The following ITGA11 variants were observed in gnomAD, a reference collection of about 807,000 sequenced individuals.
ITGA11 encodes the protein integrin alpha-11.
A neutral mutation model predicts 141.9 loss-of-function variants in ITGA11; 97 were observed. The observed-to-expected ratio is 0.68, with a 90% CI of 0.58 to 0.81. The LOEUF is 0.81. Among genes scored for constraint, ITGA11 ranks in the 30% least tolerant of loss-of-function variants. ITGA11 has a pLI of 0.00. For synonymous variants in ITGA11, 658 were observed against 624.6 expected (o/e 1.05, Z -0.80); for missense variants, 1,387 against 1,559.2 (o/e 0.89, Z 1.86).
At chr15:68,323,319 G>T (rs1246316516) in intron 18 of ITGA11, among the ~76,000 whole-genome samples, 6 of 152,168 alleles carry the variant, frequency 3.9e-5, no homozygotes, top group Non-Finnish European at 7.4e-5. Flanking sequence ...AAGTCTCAAA[G>T]AAAAAACAGC....
chr15:68,364,357 C>T (rs752022361), intron 4 of ITGA11, among the ~76,000 whole-genome samples: 1 of 152,236 alleles, frequency 6.6e-6, no homozygotes, highest in Non-Finnish European at 1.5e-5. Context: ...ACTAGCTCCC[C>T]AAGGAAAGGG....
In ITGA11 at chr15:68,335,869, ATCTT is replaced by A. The variant is rs1383552196; in HGVS notation, c.1277-28_1277-25del. 1 of 1,607,946 alleles carries A rather than the reference ATCTT, an allele frequency of 6.2e-7. No individual in the cohort carries two copies. Among genetic ancestry groups the A allele is most frequent in the South Asian group, 1.1e-5 (1 of 89,822 alleles). ...CCCTGCCACAGGAGGAAACAGGCTG[ATCTT>A]TGGCACCGTGTCCTCAGCAGGCGTT... On this transcript the variant is annotated intron_variant, in intron 11 of 29. Coordinates refer to ENST00000315757, the MANE Select transcript of ITGA11 (RefSeq NM_001004439.2). This position sits in a 1 kb window ranked among gnomAD's most constrained non-coding sequence, Gnocchi z 4.9.
rs761394302 is a variant in ITGA11, at chr15:68,328,136, C to T, written c.2028G>A (p.Thr676=). The change falls in exon 16 of 30, where the codon ACG becomes ACA. Residue 676 remains threonine, a synonymous_variant. Coordinates refer to ENST00000315757, the MANE Select transcript of ITGA11 (RefSeq NM_001004439.2). The surrounding 1 kb of genome is among the most constrained non-coding windows in gnomAD (Gnocchi z 4.8). ...GGAAATGGGGTGCCAGGAAGATGGG[C>T]GTGAAGCAGAGGAAGGCGGCCAGGC... is the stretch of plus-strand genomic sequence containing the variant. The part of the protein sequence containing the change: ...ATCLAAFLCF[T]PIFLAPHFQT... The T allele has an allele frequency of 7.4e-6, 12 of 1,613,608 alleles. No homozygotes were observed. Among genetic ancestry groups the T allele is most frequent in the African/African-American group, 4.0e-5 (3 of 74,874 alleles).
chr15:68,384,771 G>A (rs998857922), intron 2 of ITGA11, among the ~76,000 whole-genome samples: 1 of 152,236 alleles, frequency 6.6e-6, no homozygotes, highest in African/African-American at 2.4e-5. Flanking sequence ...AGCGGAGAGC[G>A]TTTATGTGCT....
In ITGA11 at chr15:68,302,061, TG is replaced by T. The variant is rs1893047614; in HGVS notation, c.*997del. ...TGAGGGAAGGATGGGAGGCAGTGTG[TG>T]TGTGTGTGTGTGTGTGTGTGTGTGT... On this transcript the variant is annotated 3_prime_UTR_variant, in exon 30 of 30. Transcript: ENST00000315757. 7 of 48,022 alleles carry T rather than the reference TG, an allele frequency of 1.5e-4. No individual in the cohort carries two copies. The highest frequency in any genetic ancestry group is 1.0e-3 in the Admixed American group (6 of 5,762). 3.0% of individuals were successfully genotyped at this position (48,022 alleles called of 1,614,324 possible).
At chr15:68,422,438 A>G (rs952341788) in intron 1 of ITGA11, among the ~76,000 whole-genome samples, 2 of 152,074 alleles carry the variant, frequency 1.3e-5, no homozygotes, top group African/African-American at 2.4e-5. Flanking sequence ...CTCCTTTTGC[A>G]TCTCACCACC....
In ITGA11 at chr15:68,331,050, T is replaced by C. The variant is rs765594455; in HGVS notation, c.1832A>G (p.Gln611Arg). The change falls in exon 15 of 30, where the codon CAA becomes CGA. Residue 611 changes from glutamine to arginine, a missense_variant. Coordinates refer to ENST00000315757, the MANE Select transcript of ITGA11 (RefSeq NM_001004439.2). ...GAGCCCATCCTCATTGAGGTCCAATTGCCCGTGGATGCTGCAGCCAAAATA... is the reference window on the plus strand; with the variant it reads ...GAGCCCATCCTCATTGAGGTCCAATCGCCCGTGGATGCTGCAGCCAAAATA... ...LQYFGCSIHG[Q>R]LDLNEDGLID... 8.4e-5 allele frequency: 136 copies of C among 1,611,382 alleles called. No homozygotes were observed. Among genetic ancestry groups the C allele is most frequent in the Non-Finnish European group, 1.1e-4 (130 of 1,178,876 alleles).
rs781606139 is a variant in ITGA11, at chr15:68,322,477, C to G, written c.2323-974G>C. ...CCCCAGAGGCGGGATCAATAGGAAC[C>G]TGGAGGTTGTCGGGGCTGAGGGAGA... On this transcript the variant is annotated intron_variant, in intron 18 of 29. Transcript: ENST00000315757. The surrounding 1 kb of genome is among the most constrained non-coding windows in gnomAD (Gnocchi z 5.6). Among the ~76,000 whole-genome samples the G allele has an allele frequency of 7.2e-5, 11 of 152,094 alleles. No homozygotes were observed. The highest frequency in any genetic ancestry group is 1.6e-4 in the Non-Finnish European group (11 of 68,004).
At chr15:68,314,407 G>C (rs758219474) in intron 22 of ITGA11, among the ~76,000 whole-genome samples, 1 of 152,212 alleles carries the variant, frequency 6.6e-6, no homozygotes, top group Admixed American at 6.5e-5. Flanking sequence ...GGGGGGTTCT[G>C]TCCAGTGTGC....
chr15:68,407,097 C>A (rs1042894387), intron 1 of ITGA11, among the ~76,000 whole-genome samples: 3 of 152,116 alleles, frequency 2.0e-5, no homozygotes, highest in Admixed American at 2.0e-4. Flanking sequence ...AGAGGGTCTC[C>A]GCTTCCTGCC....
chr15:68,365,978 G>T (rs1895410003), intron 3 of ITGA11, among the ~76,000 whole-genome samples: 1 of 152,200 alleles, frequency 6.6e-6, no homozygotes, highest in African/African-American at 2.4e-5. Flanking sequence ...GAGTCTGGGG[G>T]TGGGCCGCTG....
chr15:68,352,020 T>C (rs1894927006), intron 7 of ITGA11, among the ~76,000 whole-genome samples: 1 of 147,342 alleles, frequency 6.8e-6, no homozygotes, highest in African/African-American at 2.5e-5. Context: ...GAGGCGGAGG[T>C]TGCAGTGAGC....
intron 1 of ITGA11, among the ~76,000 whole-genome samples, chr15:68,420,592 C>T (rs931299478): frequency 4.6e-5 from 7 of 152,068 alleles, no homozygotes; most frequent in African/African-American, 7.2e-5. Flanking sequence ...AGCCTGGGGT[C>T]GTAAGGAGGA....
At chr15:68,331,246 A>T (rs189078870) in intron 14 of ITGA11, 135 bp from the exon 15 acceptor site, 1 of 728,712 alleles carries the variant, frequency 1.4e-6, no homozygotes, top group African/African-American at 1.8e-5. Flanking sequence ...AACCCAAAGC[A>T]ATCTCCTCTC....
At position 68,331,853 on chromosome 15, in the gene ITGA11, C is replaced by G; in HGVS notation, c.1770+6G>C. The stretch of plus-strand genomic sequence containing the variant: ...TGCTCCATCCGCTTCCCCAGGGAAG[C>G]CTGACCTGCTTAGGTGTCTTCAGGA... On this transcript the variant is annotated splice_donor_region_variant and intron_variant, in intron 14 of 29. Coordinates refer to ENST00000315757, the MANE Select transcript of ITGA11 (RefSeq NM_001004439.2). The G allele has an allele frequency of 6.2e-7, 1 of 1,608,866 alleles. No homozygotes were observed.
rs1894037737 is a variant in ITGA11 at position 68,328,086 on chromosome 15, C to T, written c.2068+10G>A. On this transcript the variant is annotated intron_variant, in intron 16 of 29. Transcript: ENST00000315757. This position sits in a 1 kb window ranked among gnomAD's most constrained non-coding sequence, Gnocchi z 4.8. ...TCTGGGGGTGGGGAGAAAGGAGGGG[C>T]CTGCTTTACCAACAGTTGTTGTTTG... is the stretch of plus-strand genomic sequence containing the variant. 4 of 1,611,084 alleles carry T rather than the reference C, an allele frequency of 2.5e-6. No homozygotes were observed. The highest frequency in any genetic ancestry group is 1.7e-5 in the Admixed American group (1 of 59,692).
At chr15:68,397,975 G>C (rs1896364287) in intron 2 of ITGA11, among the ~76,000 whole-genome samples, 1 of 149,434 alleles carries the variant, frequency 6.7e-6, no homozygotes, top group Non-Finnish European at 1.5e-5. Context: ...TCACCACCAG[G>C]CCTGCCCTAA....
At chr15:68,347,762 A>T (rs1292253430) in intron 10 of ITGA11, among the ~76,000 whole-genome samples, 1 of 152,212 alleles carries the variant, frequency 6.6e-6, no homozygotes, top group Non-Finnish European at 1.5e-5. Context: ...TTATGTGTAA[A>T]CTAGGAACAA....
intron 2 of ITGA11, among the ~76,000 whole-genome samples, chr15:68,370,878 G>A (rs752356965): frequency 1.3e-5 from 2 of 152,144 alleles, no homozygotes; most frequent in Non-Finnish European, 2.9e-5. Flanking sequence ...CGGGAGGCTC[G>A]GGCTGCATGG....
Sources: allele counts gnomAD v4.1 joint callset (sites outside exome capture counted in the v4.1 genomes callset), GRCh38; gene constraint gnomAD v4.1.1; non-coding constraint Gnocchi (gnomAD v3.1); transcripts MANE v1.5; gene names NCBI Gene and HGNC (gene_info 2026-07-23, HGNC 2026-07-21).